Variants in DOK6 observed in about 807,000 individuals in gnomAD.
The protein encoded by DOK6 is downstream of tyrosine kinase 6.
DOK6 carries 22 observed loss-of-function variants against 44.0 expected under a neutral mutation model. The ratio of observed to expected loss-of-function variants is 0.50; its 90% CI spans 0.36 to 0.71. The LOEUF is 0.71. Ranked by LOEUF, DOK6 falls within the 30% of genes least tolerant of loss-of-function variation. DOK6 has a pLI of 0.00. For synonymous variants in DOK6, 166 were observed against 145.5 expected (o/e 1.14, Z -1.01); for missense variants, 340 against 416.4 (o/e 0.82, Z 1.60).
chr18:69,739,125 CCTATCAG>C lies in DOK6; in HGVS notation c.738+25_738+31del, dbSNP rs767173198. 4 of 1,612,634 alleles carry C rather than the reference CCTATCAG, an allele frequency of 2.5e-6. No individual in the cohort carries two copies. In the Admixed American group the frequency reaches 5.0e-5, roughly 20 times the overall value. ...CCGGGTAAGGCCCCTTCCTTGGTAA[CCTATCAG>C]CTTGGAAATGAATGTCACTGGGATC... On this transcript the variant is annotated intron_variant, in intron 6 of 7. Coordinates refer to ENST00000382713, the MANE Select transcript of DOK6 (RefSeq NM_152721.6).
intron 7 of DOK6, among the ~76,000 whole-genome samples, chr18:69,834,011 A>G (rs1399138239): frequency 6.6e-6 from 1 of 152,234 alleles, no homozygotes; most frequent in Non-Finnish European, 1.5e-5. Context: ...CAAAAAAACT[A>G]GCAATCCCAC....
intron 1 of DOK6, among the ~76,000 whole-genome samples, chr18:69,511,784 C>G (rs927371419): frequency 3.3e-5 from 5 of 152,226 alleles, no homozygotes; most frequent in Non-Finnish European, 7.3e-5. Context: ...ACCTTACTAT[C>G]ACCATTGAAA....
intron 1 of DOK6, among the ~76,000 whole-genome samples, chr18:69,561,759 G>C (rs1443095543): frequency 6.6e-6 from 1 of 152,130 alleles, no homozygotes; most frequent in Non-Finnish European, 1.5e-5. Flanking sequence ...GAAAGAAAGA[G>C]TAAAATCAAC....
intron 3 of DOK6, among the ~76,000 whole-genome samples, chr18:69,623,374 G>A (rs774656103): frequency 5.9e-4 from 89 of 151,766 alleles, no homozygotes; most frequent in Middle Eastern, 3.4e-3. Flanking sequence ...AATTGTTTGT[G>A]GATACTTCAT....
chr18:69,682,024 G>A (rs1986057085), intron 4 of DOK6, among the ~76,000 whole-genome samples: 1 of 152,138 alleles, frequency 6.6e-6, no homozygotes, highest in African/African-American at 2.4e-5. Context: ...CTCATGAGTG[G>A]GCTACATACA....
chr18:69,483,581 C>G (rs1980490963), intron 1 of DOK6: 1 of 152,184 alleles, frequency 6.6e-6, no homozygotes, highest in African/African-American at 2.4e-5. Flanking sequence ...GATTTCCTCT[C>G]TAGTCTTTGC....
intron 3 of DOK6, among the ~76,000 whole-genome samples, chr18:69,604,454 T>C (rs1365384113): frequency 2.6e-5 from 4 of 152,240 alleles, no homozygotes; most frequent in Admixed American, 2.6e-4. Context: ...TGAAGTTAGA[T>C]ACAAATGTTA....
rs1359969300 is a variant in DOK6 at position 69,842,274 on chromosome 18, C to T, written c.*891C>T. The T allele has an allele frequency of 6.6e-6, 1 of 152,092 alleles. No individual in the cohort carries two copies. Among genetic ancestry groups the T allele is most frequent in the African/African-American group, 2.4e-5 (1 of 41,410 alleles). 9.4% of individuals were successfully genotyped at this position (152,092 alleles called of 1,614,324 possible). On this transcript the variant is annotated 3_prime_UTR_variant, in exon 8 of 8. Coordinates refer to ENST00000382713, the MANE Select transcript of DOK6 (RefSeq NM_152721.6). ...GAACCAGTCTAGCTGTCCTACACAT[C>T]ATGTCATACCCTGTCTTTCTGGTGA...
intron 1 of DOK6, among the ~76,000 whole-genome samples, chr18:69,432,679 G>A (rs1978841150): frequency 6.6e-6 from 1 of 152,114 alleles, no homozygotes; most frequent in African/African-American, 2.4e-5. Flanking sequence ...TGGCAACAGT[G>A]ATACATTTGG....
chr18:69,729,966 A>G (rs1052537157), intron 5 of DOK6, among the ~76,000 whole-genome samples: 41 of 148,950 alleles, frequency 2.8e-4, no homozygotes, highest in African/African-American at 7.3e-4. Context: ...ATATGTTAAG[A>G]TGATGGGAAG....
chr18:69,543,126 A>T (rs1982312855), intron 1 of DOK6, among the ~76,000 whole-genome samples: 1 of 151,070 alleles, frequency 6.6e-6, no homozygotes, highest in South Asian at 2.1e-4. Context: ...TCTTAGAAGG[A>T]GGAAAGTAAG....
intron 7 of DOK6, among the ~76,000 whole-genome samples, chr18:69,766,250 A>C (rs1017349495): frequency 6.6e-6 from 1 of 152,176 alleles, no homozygotes; most frequent in Non-Finnish European, 1.5e-5. Context: ...GTAGACACTG[A>C]AGAAGGAGGA....
chr18:69,452,141 A>T (rs1381924085), intron 1 of DOK6, among the ~76,000 whole-genome samples: 1 of 152,110 alleles, frequency 6.6e-6, no homozygotes, highest in Non-Finnish European at 1.5e-5. Flanking sequence ...TTTGGAAAGG[A>T]TCAACAAAAT....
chr18:69,456,892 T>C (rs2122468434), intron 1 of DOK6, among the ~76,000 whole-genome samples: 1 of 152,346 alleles, frequency 6.6e-6, no homozygotes, highest in African/African-American at 2.4e-5. Context: ...TGCATTTCTC[T>C]GATGATTAAT....
At chr18:69,674,387 T>G (rs1468662601) in intron 3 of DOK6, among the ~76,000 whole-genome samples, 1 of 152,180 alleles carries the variant, frequency 6.6e-6, no homozygotes, top group Non-Finnish European at 1.5e-5. Flanking sequence ...AAGAATGAAC[T>G]GATACTGTTT....
intron 6 of DOK6, among the ~76,000 whole-genome samples, chr18:69,755,968 G>A (rs1325592653): frequency 6.6e-6 from 1 of 152,318 alleles, no homozygotes; most frequent in East Asian, 1.9e-4. Context: ...GACCTGAAGG[G>A]GCCAGGCTCC....
At chr18:69,497,050 G>C (rs895104588) in intron 1 of DOK6, among the ~76,000 whole-genome samples, 1 of 152,080 alleles carries the variant, frequency 6.6e-6, no homozygotes, top group African/African-American at 2.4e-5. Flanking sequence ...GGCCTTATGA[G>C]GTTGGTATTG....
intron 7 of DOK6, among the ~76,000 whole-genome samples, chr18:69,784,477 T>C (rs1419530312): frequency 6.6e-6 from 1 of 151,282 alleles, no homozygotes; most frequent in Non-Finnish European, 1.5e-5. Flanking sequence ...TTTTATAATT[T>C]AATATAAAAA....
intron 1 of DOK6, among the ~76,000 whole-genome samples, chr18:69,417,469 T>C (rs1053795223): frequency 1.3e-5 from 2 of 152,184 alleles, no homozygotes; most frequent in South Asian, 2.1e-4. Flanking sequence ...CATCCATTGA[T>C]GAATACTTAG....
Sources: gnomAD v4.1 joint callset for allele counts (sites outside exome capture counted in the v4.1 genomes callset) on GRCh38, gnomAD v4.1.1 for gene constraint, MANE v1.5 for transcripts, NCBI Gene and HGNC (gene_info 2026-07-23, HGNC 2026-07-21) for gene names.